TNFAIP8L3: variants seen among roughly 807,000 people sequenced by gnomAD.
TNFAIP8L3 encodes TNF alpha induced protein 8 like 3, also known as tumor necrosis factor alpha-induced protein 8-like protein 3.
A neutral mutation model predicts 11.8 loss-of-function variants in TNFAIP8L3; 7 were observed. The ratio of observed to expected loss-of-function variants is 0.59; its 90% CI spans 0.34 to 1.11. The LOEUF (loss-of-function observed/expected upper bound fraction) is 1.11. Ranked by LOEUF, TNFAIP8L3 falls within the 50% of genes most tolerant of loss-of-function variation. TNFAIP8L3 has a pLI of 0.03. For missense variants in TNFAIP8L3, 219 were observed against 258.6 expected, an observed-to-expected ratio of 0.85 and a Z score of 1.05; for synonymous variants, 98 against 103.8, an observed-to-expected ratio of 0.94 and a Z score of 0.34.
chr15:51,064,682 A>C (rs774372323), intron 1 of TNFAIP8L3: 1 of 152,230 alleles, frequency 6.6e-6, no homozygotes, highest in Non-Finnish European at 1.5e-5. Context: ...TAAGGGAGAG[A>C]GAGGGCACTG....
chr15:51,097,406 T>TG (rs973737154), upstream of TNFAIP8L3, among the ~76,000 whole-genome samples: 27 of 152,236 alleles, frequency 1.8e-4, no homozygotes, highest in African/African-American at 5.3e-4. Flanking sequence ...GCTTTGGGCA[T>TG]GGGGGGGAGA....
intron 1 of TNFAIP8L3, among the ~76,000 whole-genome samples, chr15:51,072,773 T>C (rs1252679446): frequency 6.6e-6 from 1 of 152,110 alleles, no homozygotes; most frequent in Non-Finnish European, 1.5e-5. Flanking sequence ...TTTTACTCTG[T>C]TTATTAGACT....
upstream of TNFAIP8L3, among the ~76,000 whole-genome samples, chr15:51,098,356 G>A (rs1377703958): frequency 6.6e-6 from 1 of 152,220 alleles, no homozygotes; most frequent in Non-Finnish European, 1.5e-5. Context: ...GCTGTTTTCT[G>A]TAGGCTGAAG....
At chr15:51,096,840 G>A (rs890666035), upstream of TNFAIP8L3, among the ~76,000 whole-genome samples, 7 of 146,380 alleles carry the variant, frequency 4.8e-5, no homozygotes, top group Non-Finnish European at 8.9e-5. Flanking sequence ...GCAGTGAGCC[G>A]AGATCGTGCC....
upstream of TNFAIP8L3, among the ~76,000 whole-genome samples, chr15:51,097,901 G>C (rs2065525439): frequency 6.6e-6 from 1 of 152,140 alleles, no homozygotes; most frequent in Non-Finnish European, 1.5e-5. Context: ...AAGGGTTTCT[G>C]TAGTTCCTCT....
chr15:51,074,759 G>A lies in TNFAIP8L3; in HGVS notation c.53-16316C>T, dbSNP rs28459549. ...GGCTGCCAGCCATGCCCTGACTCTC[G>A]TGCCATAGCTGAATCCAGTGGACCC... On this transcript the variant is annotated intron_variant, in intron 1 of 1. Transcript: ENST00000637513. Among the ~76,000 whole-genome samples, 762 of 152,296 alleles carry A rather than the reference G, an allele frequency of 5.0e-3. 10 individuals carry two copies. Among genetic ancestry groups the A allele is most frequent in the African/African-American group, 0.017 (723 of 41,556 alleles).
chr15:51,062,164 C>T (rs1378757122), intron 1 of TNFAIP8L3, among the ~76,000 whole-genome samples: 1 of 152,106 alleles, frequency 6.6e-6, no homozygotes, highest in Non-Finnish European at 1.5e-5. Flanking sequence ...GTCTCAGCTA[C>T]TTGAGAAGCT....
chr15:51,089,791 G>A (rs1490592213), intron 1 of TNFAIP8L3, among the ~76,000 whole-genome samples: 4 of 152,166 alleles, frequency 2.6e-5, no homozygotes, highest in African/African-American at 9.7e-5. Flanking sequence ...ACAAGACAAG[G>A]TCCTGACTCC....
At chr15:51,086,168 G>T (rs1283723986) in intron 1 of TNFAIP8L3, among the ~76,000 whole-genome samples, 2 of 152,176 alleles carry the variant, frequency 1.3e-5, no homozygotes, top group East Asian at 1.9e-4. Flanking sequence ...TTGAAAAAGG[G>T]TGTATTTGAC....
intron 1 of TNFAIP8L3, among the ~76,000 whole-genome samples, chr15:51,086,152 C>T (rs1167765451): frequency 6.6e-6 from 1 of 152,190 alleles, no homozygotes; most frequent in Non-Finnish European, 1.5e-5. Flanking sequence ...CCAGCTTAAG[C>T]ACACTTTGAA....
At chr15:51,064,303 T>C (rs2065256949) in intron 1 of TNFAIP8L3, among the ~76,000 whole-genome samples, 1 of 152,230 alleles carries the variant, frequency 6.6e-6, no homozygotes, top group South Asian at 2.1e-4. Flanking sequence ...GGAAAGAAAG[T>C]CTTGAGGTCA....
chr15:51,091,760 A>T (rs2065472617), intron 1 of TNFAIP8L3, among the ~76,000 whole-genome samples: 1 of 152,078 alleles, frequency 6.6e-6, no homozygotes, highest in Non-Finnish European at 1.5e-5. Flanking sequence ...GAAAAGGAGA[A>T]AATTCAAAAC....
intron 1 of TNFAIP8L3, among the ~76,000 whole-genome samples, chr15:51,089,488 C>T (rs2065451512): frequency 2.0e-5 from 3 of 152,214 alleles, no homozygotes; most frequent in Admixed American, 6.5e-5. Flanking sequence ...CTGTGGTCAT[C>T]AGTAGACATA....
chr15:51,087,919 T>TTATATATATATATACCTTTA (rs2065440947), intron 1 of TNFAIP8L3, among the ~76,000 whole-genome samples: 1 of 101,564 alleles, frequency 9.8e-6, no homozygotes, highest in African/African-American at 3.7e-5. Flanking sequence ...TAGCATACCT[T>TTATATATATATATACCTTTA]TATATATATA....
intron 1 of TNFAIP8L3, among the ~76,000 whole-genome samples, chr15:51,090,673 A>C (rs1242394680): frequency 1.3e-5 from 2 of 152,136 alleles, no homozygotes; most frequent in Admixed American, 1.3e-4. Context: ...CAGTTGGTTC[A>C]TGTGGACCAA....
chr15:51,078,636 T>C (rs1242255654), intron 1 of TNFAIP8L3, among the ~76,000 whole-genome samples: 2 of 151,950 alleles, frequency 1.3e-5, no homozygotes, highest in Admixed American at 6.6e-5. Context: ...CTCCCATCCA[T>C]AACTGCTTGC....
At chr15:51,072,740 T>C (rs1595610198) in intron 1 of TNFAIP8L3, among the ~76,000 whole-genome samples, 1 of 152,242 alleles carries the variant, frequency 6.6e-6, no homozygotes, top group African/African-American at 2.4e-5. Flanking sequence ...GGTTTCTATA[T>C]TGCATAGATC....
At chr15:51,104,359 G>C (rs1292158011) in intron 1 of TNFAIP8L3, among the ~76,000 whole-genome samples, 1 of 152,100 alleles carries the variant, frequency 6.6e-6, no homozygotes, top group South Asian at 2.1e-4. Context: ...AGCTTTCTCA[G>C]CCATCCTAAA....
At chr15:51,087,942 T>TATATATATATATATATATATATATA (rs2065441943) in intron 1 of TNFAIP8L3, among the ~76,000 whole-genome samples, 1 of 137,580 alleles carries the variant, frequency 7.3e-6, no homozygotes, top group African/African-American at 2.7e-5. Flanking sequence ...TATATATATA[T>TATATATATATATATATATATATATA]GGGAAGGGGG....
Sources: allele counts gnomAD v4.1 joint callset (sites outside exome capture counted in the v4.1 genomes callset), GRCh38; gene constraint gnomAD v4.1.1; transcripts MANE v1.5; gene names NCBI Gene and HGNC (gene_info 2026-07-23, HGNC 2026-07-21).